The following MUCL3 variants were observed in gnomAD, a reference collection of about 807,000 sequenced individuals.
MUCL3 encodes mucin like 3.
In MUCL3, 42 loss-of-function variants were observed where a neutral mutation model predicts 70.2. The ratio of observed to expected loss-of-function variants is 0.60; its 90% CI spans 0.47 to 0.77. The LOEUF (loss-of-function observed/expected upper bound fraction) is 0.77. Ranked by LOEUF, MUCL3 falls within the 30% of genes least tolerant of loss-of-function variation. The pLI, the probability that MUCL3 is intolerant of heterozygous loss-of-function variation, is 0.00. For synonymous variants in MUCL3, 522 were observed against 647.0 expected (o/e 0.81, Z 2.93); for missense variants, 1,429 against 1,670.0 (o/e 0.86, Z 2.52).
intron 1 of MUCL3, among the ~76,000 whole-genome samples, chr6:30,942,312 G>A (rs1795610891): frequency 6.6e-6 from 1 of 152,124 alleles, no homozygotes; most frequent in Non-Finnish European, 1.5e-5. Context: ...TGAACCCGGG[G>A]AGCAGAGATG....
rs537375797 is a variant in MUCL3 at position 30,953,200 on chromosome 6, C to T, written c.*83C>T. The T allele has an allele frequency of 3.2e-5, 49 of 1,549,500 alleles. No homozygotes were observed. Among genetic ancestry groups the T allele is most frequent in the East Asian group, 1.1e-4 (5 of 44,056 alleles). On this transcript the variant is annotated 3_prime_UTR_variant, in exon 3 of 3. Coordinates refer to ENST00000462446, the MANE Select transcript of MUCL3 (RefSeq NM_080870.4). ...GAACCGGACTCACAATTTCTATTTC[C>T]GGGACTACAGGAAGGGCAGAGAATA... is the stretch of plus-strand genomic sequence containing the variant.
Position 30,951,594 on chromosome 6 carries a change from C to T in MUCL3, c.3130C>T (p.His1044Tyr), listed in dbSNP as rs1178485825. The change falls in exon 2 of 3, where the codon CAC (histidine) becomes TAC (tyrosine). Residue 1044 changes from histidine (H) to tyrosine (Y), a missense_variant. His to Tyr is a moderately conservative substitution (Grantham distance 83). Transcript: ENST00000462446. ...ACCATCTCCAGCAAAGCCTACAGAA[C>T]ACGAAGAAATGACCCCATCGGCCAA... ...TIPSPAKPTE[H>Y]EEMTPSANEN... 7.8e-6 allele frequency: 12 copies of T among 1,542,120 alleles called. No homozygotes were observed. Among genetic ancestry groups the T allele is most frequent in the African/African-American group, 1.4e-5 (1 of 72,462 alleles).
At position 30,949,929 on chromosome 6, in the gene MUCL3, G is replaced by C. The variant is rs1562491126; in HGVS notation, c.1465G>C (p.Glu489Gln). ...AGAAAATAGAGAAACAACAGCCAAT[G>C]AGAAGACCACACCATCCCCAGCAGA... ...PTENRETTANEKTTPSPAEPT... is the reference protein window; with the variant it reads ...PTENRETTANQKTTPSPAEPT... Residue 489 changes from glutamate (E) to glutamine (Q), a missense_variant, in exon 2 of 3, where the codon GAG (glutamate) becomes CAG (glutamine). Physicochemically the swap from Glu to Gln is conservative, Grantham distance 29. Transcript: ENST00000462446. 3 of 1,550,770 alleles carry C rather than the reference G, an allele frequency of 1.9e-6. No homozygotes were observed. In the East Asian group the frequency reaches 7.3e-5, roughly 38 times the overall value.
intron 1 of MUCL3, among the ~76,000 whole-genome samples, chr6:30,948,067 T>C (rs769679753): frequency 1.1e-4 from 16 of 152,192 alleles, no homozygotes; most frequent in Non-Finnish European, 2.1e-4. Context: ...AAGACTCCAT[T>C]CCATAAGTTA....
In MUCL3 at chr6:30,952,271, G is replaced by A; in HGVS notation, c.3807G>A (p.Gln1269=). The change falls in exon 2 of 3, where the codon CAG becomes CAA. Residue 1269 remains glutamine, a synonymous_variant. Transcript: ENST00000462446. Reference sequence around the variant, plus strand: ...TAAATAAAACTGAAGTTACTCATCAGGTGCCCACTGGTTCTTTCACCCTCA... The same window carrying A: ...TAAATAAAACTGAAGTTACTCATCAAGTGCCCACTGGTTCTTTCACCCTCA... ...SHLNKTEVTH[Q]VPTGSFTLIT... is the part of the protein sequence containing the mutation. 6.2e-7 allele frequency: 1 copy of A among 1,614,044 alleles called. No individual in the cohort carries two copies. The highest frequency in any genetic ancestry group is 8.5e-7 in the Non-Finnish European group (1 of 1,180,012).
In MUCL3 at chr6:30,948,981, A is replaced by G. The variant is rs1760454300; in HGVS notation, c.517A>G (p.Thr173Ala). The G allele has an allele frequency of 6.4e-7, 1 of 1,551,726 alleles. No homozygotes were observed. ...CAAAATAAACTGTCGTAAGTCCACA[A>G]CAGGCAAATCAACGGTAACAAGAAA... The part of the protein sequence containing the change: ...KSKINCRKST[T>A]GKSTVTRKSD... Residue 173 changes from threonine (T) to alanine (A), a missense_variant, in exon 2 of 3, where the codon ACA becomes GCA. Physicochemically the swap from Thr to Ala is moderately conservative, Grantham distance 58 (BLOSUM62 0). Coordinates refer to ENST00000462446, the MANE Select transcript of MUCL3 (RefSeq NM_080870.4).
intron 1 of MUCL3, chr6:30,946,225 C>G (rs1326764442): frequency 6.6e-6 from 1 of 152,254 alleles, no homozygotes; most frequent in Non-Finnish European, 1.5e-5. Flanking sequence ...GTGGATTCAA[C>G]AAACATTTAA....
chr6:30,950,923 C>A lies in MUCL3; in HGVS notation c.2459C>A (p.Ala820Glu). The change falls in exon 2 of 3, where the codon GCA becomes GAA. Residue 820 changes from alanine to glutamate, a missense_variant. Physicochemically the swap from Ala to Glu is moderately radical, Grantham distance 107. Coordinates refer to ENST00000462446, the MANE Select transcript of MUCL3 (RefSeq NM_080870.4). ...LANENTTSSPAEPTENRERTA... is the reference protein window; with the variant it reads ...LANENTTSSPEEPTENRERTA... ...AATGAGAACACCACATCATCCCCAGCAGAGCCTACAGAAAATAGAGAAAGG... is the reference window on the plus strand; with the variant it reads ...AATGAGAACACCACATCATCCCCAGAAGAGCCTACAGAAAATAGAGAAAGG... 1 of 1,549,646 alleles carries A rather than the reference C, an allele frequency of 6.5e-7. No individual in the cohort carries two copies. The highest frequency in any genetic ancestry group is 1.2e-5 in the South Asian group (1 of 84,010).
In MUCL3 at chr6:30,941,032, C is replaced by T. The variant is rs564944523; in HGVS notation, c.33C>T (p.Ala11=). 1.3e-4 allele frequency: 204 copies of T among 1,550,670 alleles called. 1 individual carries two copies. Among genetic ancestry groups the T allele is most frequent in the Non-Finnish European group, 1.1e-5 (13 of 1,147,002 alleles). The change falls in exon 1 of 3, where the codon GCC becomes GCT. Residue 11 remains alanine, a synonymous_variant. Coordinates refer to ENST00000462446, the MANE Select transcript of MUCL3 (RefSeq NM_080870.4). MAQPVHSLCS[A]FGLQCCLLFL... is the part of the protein sequence containing the mutation. Reference sequence around the variant, plus strand: ...AGCCGGTCCACAGCCTCTGCTCCGCCTTTGGCCTCCAGTGCTGCCTCCTCT... The same window carrying T: ...AGCCGGTCCACAGCCTCTGCTCCGCTTTTGGCCTCCAGTGCTGCCTCCTCT...
chr6:30,942,479 C>T lies in MUCL3; in HGVS notation c.82+1398C>T, dbSNP rs111741723. On this transcript the variant is annotated intron_variant, in intron 1 of 2. Coordinates refer to ENST00000462446, the MANE Select transcript of MUCL3 (RefSeq NM_080870.4). ...GTGATATTAGAGGCAGTGCCCCTTC[C>T]CTGAGCACAGTCAGGTTGAGGCCAG... 3.2e-3 allele frequency among the ~76,000 whole-genome samples: 486 copies of T among 152,296 alleles called. 2 individuals carry two copies. The highest frequency in any genetic ancestry group is 0.011 in the African/African-American group (440 of 41,566).
intron 1 of MUCL3, among the ~76,000 whole-genome samples, chr6:30,941,516 G>A (rs1222673605): frequency 1.4e-5 from 2 of 146,174 alleles, no homozygotes; most frequent in African/African-American, 5.2e-5. Context: ...CTGGAGTGCA[G>A]TGGCACAATC....
intron 1 of MUCL3, among the ~76,000 whole-genome samples, chr6:30,944,673 C>T (rs1014659472): frequency 6.6e-6 from 1 of 152,222 alleles, no homozygotes; most frequent in Non-Finnish European, 1.5e-5. Flanking sequence ...ATTCTTTTAT[C>T]CCAGCTGAGC....
At chr6:30,941,607 C>T (rs2150601043) in intron 1 of MUCL3, among the ~76,000 whole-genome samples, 1 of 93,182 alleles carries the variant, frequency 1.1e-5, no homozygotes, top group Non-Finnish European at 2.5e-5. Context: ...TTACAGGCAC[C>T]TGCCACCACG....
rs138097862 is a variant in MUCL3 at position 30,948,868 on chromosome 6, G to C, written c.404G>C (p.Arg135Pro). 6.4e-7 allele frequency: 1 copy of C among 1,551,512 alleles called. No individual in the cohort carries two copies. Among genetic ancestry groups the C allele is most frequent in the South Asian group, 1.2e-5 (1 of 84,044 alleles). The change falls in exon 2 of 3, where the codon CGG (arginine) becomes CCG (proline). Residue 135 changes from arginine to proline, a missense_variant. Physicochemically the swap from Arg to Pro is moderately radical, Grantham distance 103. Coordinates refer to ENST00000462446, the MANE Select transcript of MUCL3 (RefSeq NM_080870.4). The part of the protein sequence containing the change: ...SSNQGKDPMI[R>P]NQRSVDPADS... The stretch of plus-strand genomic sequence containing the variant: ...AACCAAGGGAAAGACCCAATGATCC[G>C]GAACCAGCGCTCTGTTGATCCTGCT...
In MUCL3 at chr6:30,949,468, C is replaced by A; in HGVS notation, c.1004C>A (p.Thr335Asn). 1 of 1,508,706 alleles carries A rather than the reference C, an allele frequency of 6.6e-7. No individual in the cohort carries two copies. The allele number at this position is 1,508,706 out of a possible 1,614,324, so 93.5% of individuals were successfully genotyped here. ...ENRERTANEN[T>N]APFPAGPTEN... ...AGAGAAAGGACAGCCAATGAGAACACCGCACCATTCCCAGCAGGGCCTACA... is the reference window on the plus strand; with the variant it reads ...AGAGAAAGGACAGCCAATGAGAACAACGCACCATTCCCAGCAGGGCCTACA... Residue 335 changes from threonine (T) to asparagine (N), a missense_variant, in exon 2 of 3, where the codon ACC (threonine) becomes AAC (asparagine). Physicochemically the swap from Thr to Asn is moderately conservative, Grantham distance 65 (BLOSUM62 0). Transcript: ENST00000462446.
In MUCL3 at chr6:30,952,009, G is replaced by T. The variant is rs1445146386; in HGVS notation, c.3545G>T (p.Arg1182Ile). Residue 1182 changes from arginine (R) to isoleucine (I), a missense_variant, in exon 2 of 3, where the codon AGA becomes ATA. By Grantham distance (97) the Arg-to-Ile change is moderately conservative (BLOSUM62 -3). Transcript: ENST00000462446. ...KTTSTTEKTT[R>I]TPEKPTLYSE... is the part of the protein sequence containing the mutation. The stretch of plus-strand genomic sequence containing the variant: ...ACGTCAACCACAGAGAAAACCACAA[G>T]AACCCCAGAAAAGCCTACGCTATAC... 6.2e-7 allele frequency: 1 copy of T among 1,611,602 alleles called. No homozygotes were observed.
In MUCL3 at chr6:30,948,697, C is replaced by G; in HGVS notation, c.233C>G (p.Thr78Arg). The G allele has an allele frequency of 6.4e-7, 1 of 1,551,688 alleles. No homozygotes were observed. The highest frequency in any genetic ancestry group is 1.2e-5 in the South Asian group (1 of 84,046). ...AGACCTCCAGAGCTCCCTAAATCTA[C>G]AGAAATCCATGAGCAAAAACGCCAC... is the stretch of plus-strand genomic sequence containing the variant. ...GQRPPELPKS[T>R]EIHEQKRHCN... Residue 78 changes from threonine to arginine, a missense_variant, in exon 2 of 3, where the codon ACA becomes AGA. Coordinates refer to ENST00000462446, the MANE Select transcript of MUCL3 (RefSeq NM_080870.4).
chr6:30,943,625 C>T (rs1004667512), intron 1 of MUCL3, among the ~76,000 whole-genome samples: 1 of 152,178 alleles, frequency 6.6e-6, no homozygotes, highest in African/African-American at 2.4e-5. Flanking sequence ...TAGATGAAAC[C>T]ATCTGAGAGA....
rs1216079934 is a variant in MUCL3 at position 30,952,240 on chromosome 6, C to T, written c.3776C>T (p.Ser1259Phe). ...GACAAATCTCTCACTACTACCTCTTCTCATCTAAATAAAACTGAAGTTACT... is the reference window on the plus strand; with the variant it reads ...GACAAATCTCTCACTACTACCTCTTTTCATCTAAATAAAACTGAAGTTACT... ...TGDKSLTTTSSHLNKTEVTHQ... is the reference protein window; with the variant it reads ...TGDKSLTTTSFHLNKTEVTHQ... The change falls in exon 2 of 3, where the codon TCT becomes TTT. Residue 1259 changes from serine (S) to phenylalanine (F), a missense_variant. Ser to Phe is a radical substitution (Grantham distance 155, BLOSUM62 -2). Transcript: ENST00000462446. 1.9e-6 allele frequency: 3 copies of T among 1,614,076 alleles called. No individual in the cohort carries two copies. The African/African-American group carries it at 4.0e-5, about 22-fold the overall frequency.
Sources: gnomAD v4.1 joint callset for allele counts (sites outside exome capture counted in the v4.1 genomes callset) on GRCh38, gnomAD v4.1.1 for gene constraint, MANE v1.5 for transcripts, NCBI Gene and HGNC (gene_info 2026-07-23, HGNC 2026-07-21) for gene names.